Variants in GALNT13 observed in about 807,000 individuals in gnomAD.
GALNT13 encodes the protein polypeptide N-acetylgalactosaminyltransferase 13, also known as UDP-GalNAc:polypeptide N-acetylgalactosaminyltransferase 13.
Under a neutral mutation model 64.2 loss-of-function variants are expected in GALNT13, and 28 were observed. The ratio of observed to expected loss-of-function variants is 0.44; its 90% CI spans 0.32 to 0.60. The LOEUF is 0.60. Ranked by LOEUF, GALNT13 falls within the 20% of genes least tolerant of loss-of-function variation. GALNT13 has a pLI of 0.05. For missense variants in GALNT13, 577 were observed against 669.8 expected (o/e 0.86, Z 1.53); for synonymous variants, 214 against 224.6 (o/e 0.95, Z 0.42).
At chr2:153,252,612 C>A in the GALNT13 span, among the ~76,000 whole-genome samples, 16 of 152,242 alleles carry the variant, frequency 1.1e-4, no homozygotes, top group Non-Finnish European at 1.8e-4. Flanking sequence ...TAGGTCTAAC[C>A]TGTAAGTCTT....
chr2:154,447,584 A>G (rs1198206713), intron 12 of GALNT13, among the ~76,000 whole-genome samples: 1 of 151,988 alleles, frequency 6.6e-6, no homozygotes, highest in East Asian at 1.9e-4. Flanking sequence ...CAATGAGAAC[A>G]CAAGGAAGAT....
chr2:154,162,646 A>G (rs1262650329), intron 4 of GALNT13, among the ~76,000 whole-genome samples: 1 of 152,196 alleles, frequency 6.6e-6, no homozygotes, highest in African/African-American at 2.4e-5. Flanking sequence ...TATATGCATT[A>G]TTTGTGTCTT....
At chr2:153,688,883 A>G in the GALNT13 span, among the ~76,000 whole-genome samples, 1 of 151,758 alleles carries the variant, frequency 6.6e-6, no homozygotes, top group Non-Finnish European at 1.5e-5. Flanking sequence ...GTCTGTTATC[A>G]ATATTATTGT....
At chr2:153,251,029 C>A in the GALNT13 span, among the ~76,000 whole-genome samples, 1 of 152,040 alleles carries the variant, frequency 6.6e-6, no homozygotes, top group Non-Finnish European at 1.5e-5. Context: ...TGTATCCCAA[C>A]ACTTAAAGTA....
In GALNT13 at chr2:153,873,420, GT is replaced by G. The variant is rs1686131050; in HGVS notation, c.-177+1119del. 3.9e-5 allele frequency among the ~76,000 whole-genome samples: 6 copies of G among 152,316 alleles called. No individual in the cohort carries two copies. In the South Asian group the frequency reaches 1.2e-3, roughly 32 times the overall value. On this transcript the variant is annotated intron_variant, in intron 1 of 12. Transcript: ENST00000392825. ...CCGCATACCCGATTCTTTGACTATG[GT>G]TAGTTGAATTTCCAGGAGGAGAGTC...
At chr2:153,754,241 C>T in the GALNT13 span, among the ~76,000 whole-genome samples, 3 of 152,176 alleles carry the variant, frequency 2.0e-5, no homozygotes, top group Non-Finnish European at 4.4e-5. Flanking sequence ...GTCTCTTTCA[C>T]TATTCCCTCT....
upstream of GALNT13, among the ~76,000 whole-genome samples, chr2:153,869,297 T>G (rs1189495740): frequency 2.0e-5 from 3 of 152,166 alleles, no homozygotes; most frequent in Non-Finnish European, 2.9e-5. Context: ...ATATTTTGAA[T>G]TAGATTGTCT....
the GALNT13 span, among the ~76,000 whole-genome samples, chr2:153,579,233 G>A: frequency 7.9e-5 from 12 of 152,102 alleles, no homozygotes; most frequent in African/African-American, 2.9e-4. Flanking sequence ...GACATCAAAG[G>A]GTTGCCCAGG....
chr2:154,158,397 C>A (rs1257566364), intron 4 of GALNT13, among the ~76,000 whole-genome samples: 1 of 152,126 alleles, frequency 6.6e-6, no homozygotes, highest in African/African-American at 2.4e-5. Context: ...ATCTTCCCTG[C>A]TACTATTAAT....
At chr2:153,199,106 G>T in the GALNT13 span, among the ~76,000 whole-genome samples, 2 of 152,192 alleles carry the variant, frequency 1.3e-5, no homozygotes, top group Non-Finnish European at 2.9e-5. Context: ...GTGAGAATTT[G>T]ATCCTGTGGG....
chr2:153,138,134 G>A, the GALNT13 span, among the ~76,000 whole-genome samples: 2 of 152,052 alleles, frequency 1.3e-5, no homozygotes, highest in African/African-American at 4.8e-5. Context: ...GAAACTGAGG[G>A]AGAAATTGCA....
At chr2:153,801,326 CA>C in the GALNT13 span, among the ~76,000 whole-genome samples, 1 of 148,460 alleles carries the variant, frequency 6.7e-6, no homozygotes, top group Non-Finnish European at 1.5e-5. Flanking sequence ...TTGCTTTTGA[CA>C]TGCCTTTTTT....
the GALNT13 span, among the ~76,000 whole-genome samples, chr2:153,158,055 T>C: frequency 6.6e-6 from 1 of 152,316 alleles, no homozygotes; most frequent in Non-Finnish European, 1.5e-5. Flanking sequence ...GATTATTTCC[T>C]GGACAGCTCA....
the GALNT13 span, among the ~76,000 whole-genome samples, chr2:153,087,411 T>C: frequency 6.6e-6 from 1 of 152,312 alleles, no homozygotes; most frequent in African/African-American, 2.4e-5. Flanking sequence ...TTTGCATCTA[T>C]GTTCATCAGA....
chr2:154,148,653 G>A (rs980259117), intron 4 of GALNT13, among the ~76,000 whole-genome samples: 2 of 152,118 alleles, frequency 1.3e-5, no homozygotes, highest in Non-Finnish European at 2.9e-5. Context: ...TTGTGGTTTT[G>A]ATTTGCATTT....
chr2:153,797,062 G>A, the GALNT13 span, among the ~76,000 whole-genome samples: 3 of 152,186 alleles, frequency 2.0e-5, no homozygotes, highest in Admixed American at 2.0e-4. Context: ...TATTATCAAA[G>A]GAAGAGTTAA....
intron 11 of GALNT13, chr2:154,437,147 C>A (rs1442004855): frequency 3.9e-5 from 6 of 153,656 alleles, no homozygotes; most frequent in African/African-American, 1.4e-4. Context: ...AATCCTCTCG[C>A]CTTAGCCTCC....
the GALNT13 span, among the ~76,000 whole-genome samples, chr2:153,342,003 T>A: frequency 6.6e-6 from 1 of 152,072 alleles, no homozygotes; most frequent in Non-Finnish European, 1.5e-5. Context: ...ATCAAATCAT[T>A]CCCCTTAAAC....
At chr2:153,931,648 C>T (rs187708841) in intron 2 of GALNT13, among the ~76,000 whole-genome samples, 34 of 152,214 alleles carry the variant, frequency 2.2e-4, no homozygotes, top group African/African-American at 7.2e-4. Context: ...TGCTGAAGCA[C>T]ATTTATTGAT....
Sources: allele counts gnomAD v4.1 joint callset (sites outside exome capture counted in the v4.1 genomes callset), GRCh38; gene constraint gnomAD v4.1.1; transcripts MANE v1.5; gene names NCBI Gene and HGNC (gene_info 2026-07-23, HGNC 2026-07-21).